MGMT: variants seen among roughly 807,000 people sequenced by gnomAD.
The protein encoded by MGMT is methylated-DNA--protein-cysteine methyltransferase.
Under a neutral mutation model 15.9 loss-of-function variants are expected in MGMT, and 14 were observed. The ratio of observed to expected loss-of-function variants is 0.88; its 90% confidence interval spans 0.58 to 1.37. The LOEUF (loss-of-function observed/expected upper bound fraction) is 1.37, where lower values mean the gene tolerates loss of function less well. Among genes scored for constraint, MGMT ranks in the 40% most tolerant of loss-of-function variants. The pLI is 0.00. For synonymous variants in MGMT, 130 were observed against 118.2 expected, an observed-to-expected ratio of 1.10 and a Z score of -0.65; for missense variants, 282 against 268.1, an observed-to-expected ratio of 1.05 and a Z score of -0.36.
intron 2 of MGMT, among the ~76,000 whole-genome samples, chr10:129,661,488 T>G (rs1847597498): frequency 6.6e-6 from 1 of 152,242 alleles, no homozygotes; most frequent in Non-Finnish European, 1.5e-5. Context: ...ATTTGACAAC[T>G]ATTGATGTTG....
intron 3 of MGMT, among the ~76,000 whole-genome samples, chr10:129,739,143 C>T (rs555805906): frequency 3.5e-4 from 54 of 152,242 alleles, no homozygotes; most frequent in Non-Finnish European, 5.9e-4. Flanking sequence ...TAGGTATTGA[C>T]GGAACGTATC....
chr10:129,624,933 A>G (rs1044137155), intron 2 of MGMT, among the ~76,000 whole-genome samples: 1 of 152,270 alleles, frequency 6.6e-6, no homozygotes. Context: ...ATCAGATATC[A>G]GCAAAGCAGA....
chr10:129,486,731 G>A (rs549045443), intron 1 of MGMT, among the ~76,000 whole-genome samples: 13 of 152,316 alleles, frequency 8.5e-5, no homozygotes, highest in African/African-American at 2.6e-4. Flanking sequence ...AACAAAGGGC[G>A]TCTTTGATTC....
chr10:129,558,732 C>T (rs1363704854), intron 2 of MGMT, among the ~76,000 whole-genome samples: 2 of 152,202 alleles, frequency 1.3e-5, no homozygotes, highest in Admixed American at 1.3e-4. Flanking sequence ...TTGCAGGCAG[C>T]CCCGCTCCAC....
At chr10:129,503,669 A>G (rs569519642) in intron 1 of MGMT, among the ~76,000 whole-genome samples, 44 of 152,236 alleles carry the variant, frequency 2.9e-4, no homozygotes, top group Non-Finnish European at 5.4e-4. Context: ...TTTTGAAGGT[A>G]ATATCTTTTA....
chr10:129,596,968 G>C (rs1487637673), intron 2 of MGMT, among the ~76,000 whole-genome samples: 2 of 152,190 alleles, frequency 1.3e-5, no homozygotes, highest in African/African-American at 2.4e-5. Flanking sequence ...GGTTGAGGAA[G>C]GGGCTTAGTG....
Position 129,770,087 on chromosome 10 carries a change from C to G in MGMT, c.*3090C>G, listed in dbSNP as rs1462766023. On this transcript the variant is annotated 3_prime_UTR_variant, in exon 5 of 5. Transcript: ENST00000651593. ...GATGTGCTAGCAACTGAAACCATCT[C>G]TGCGACTTAAGCTTCTCTGGTGCGT... Among the ~76,000 whole-genome samples, 1 of 152,192 alleles carries G rather than the reference C, an allele frequency of 6.6e-6. No homozygotes were observed. The highest frequency in any genetic ancestry group is 2.4e-5 in the African/African-American group (1 of 41,448).
At chr10:129,512,563 C>A (rs571452753) in intron 1 of MGMT, among the ~76,000 whole-genome samples, 5 of 151,980 alleles carry the variant, frequency 3.3e-5, no homozygotes, top group Non-Finnish European at 7.4e-5. Flanking sequence ...TTGCAGGGCT[C>A]TTGTAAGGAT....
At chr10:129,580,374 A>G (rs1175634367) in intron 2 of MGMT, among the ~76,000 whole-genome samples, 1 of 152,198 alleles carries the variant, frequency 6.6e-6, no homozygotes, top group Admixed American at 6.5e-5. Context: ...ATTAGGCACC[A>G]CAGTAGAAAC....
intron 3 of MGMT, among the ~76,000 whole-genome samples, chr10:129,712,550 C>T (rs1051396111): frequency 1.1e-4 from 17 of 152,054 alleles, no homozygotes; most frequent in Admixed American, 4.6e-4. Context: ...ATTTCAAAAG[C>T]GCCTCTAACA....
At chr10:129,688,380 A>C (rs879053124) in intron 2 of MGMT, among the ~76,000 whole-genome samples, 1 of 152,176 alleles carries the variant, frequency 6.6e-6, no homozygotes, top group Non-Finnish European at 1.5e-5. Flanking sequence ...AATGATCGCC[A>C]TTCTAACTGG....
chr10:129,637,739 G>C (rs1000037072), intron 2 of MGMT, among the ~76,000 whole-genome samples: 3 of 152,152 alleles, frequency 2.0e-5, no homozygotes, highest in Non-Finnish European at 4.4e-5. Flanking sequence ...AAGAAGAGGA[G>C]ATTAGGGCAC....
chr10:129,589,690 A>G (rs529900507), intron 2 of MGMT, among the ~76,000 whole-genome samples: 12 of 152,192 alleles, frequency 7.9e-5, no homozygotes, highest in African/African-American at 1.4e-4. Flanking sequence ...TAACGCTCAC[A>G]TGGGTGGTCA....
chr10:129,564,497 CT>C (rs561515263), intron 2 of MGMT, among the ~76,000 whole-genome samples: 31 of 97,650 alleles, frequency 3.2e-4, no homozygotes, highest in African/African-American at 1.2e-3. Flanking sequence ...TCCTCCTCCC[CT>C]CCTCCTCCCC....
At chr10:129,549,215 T>C (rs911826504) in intron 2 of MGMT, among the ~76,000 whole-genome samples, 9 of 152,202 alleles carry the variant, frequency 5.9e-5, no homozygotes, top group African/African-American at 2.2e-4. Flanking sequence ...TTTGCAGCTT[T>C]TCTCCCCTAA....
chr10:129,702,302 G>T (rs1326478882), intron 2 of MGMT, among the ~76,000 whole-genome samples: 2 of 152,182 alleles, frequency 1.3e-5, no homozygotes, highest in Non-Finnish European at 2.9e-5. Context: ...TAAGGTGCCC[G>T]ACGCCCTGTT....
intron 1 of MGMT, among the ~76,000 whole-genome samples, chr10:129,517,586 C>T (rs1006622852): frequency 6.6e-6 from 1 of 152,198 alleles, no homozygotes; most frequent in African/African-American, 2.4e-5. Flanking sequence ...ATGGGCATGG[C>T]ACCTGCGCTG....
intron 2 of MGMT, 120 bp downstream of exon 2, chr10:129,536,497 G>A (rs1315967674): frequency 9.7e-6 from 12 of 1,232,164 alleles, no homozygotes; most frequent in Admixed American, 2.9e-5. Context: ...CCCCACAACC[G>A]CAACCACGAG....
chr10:129,527,849 C>T (rs890275636), intron 1 of MGMT, among the ~76,000 whole-genome samples: 3 of 152,162 alleles, frequency 2.0e-5, no homozygotes, highest in Admixed American at 6.5e-5. Flanking sequence ...CTCCTGGTGA[C>T]CTGGCCACCA....
Sources: allele counts gnomAD v4.1 joint callset (sites outside exome capture counted in the v4.1 genomes callset), GRCh38; gene constraint gnomAD v4.1.1; transcripts MANE v1.5; gene names NCBI Gene and HGNC (gene_info 2026-07-23, HGNC 2026-07-21).